Variants in FHOD3 observed in about 807,000 individuals in gnomAD.
FHOD3 encodes the protein FH1/FH2 domain-containing protein 3.
Under a neutral mutation model 173.0 loss-of-function variants are expected in FHOD3, and 90 were observed. That is an observed-to-expected ratio of 0.52 (90% CI 0.44 to 0.62). FHOD3 has a LOEUF of 0.62. Among genes scored for constraint, FHOD3 ranks in the 20% least tolerant of loss-of-function variants. The pLI, the probability that FHOD3 is intolerant of heterozygous loss-of-function variation, is 0.00. For synonymous variants in FHOD3, 828 were observed against 823.0 expected, an observed-to-expected ratio of 1.01 and a Z score of -0.10; for missense variants, 1,945 against 2,034.7, an observed-to-expected ratio of 0.96 and a Z score of 0.85.
At chr18:36,480,256 A>G (rs976021892) in intron 3 of FHOD3, among the ~76,000 whole-genome samples, 1 of 152,158 alleles carries the variant, frequency 6.6e-6, no homozygotes, top group Non-Finnish European at 1.5e-5. Context: ...TGCCTCGTCC[A>G]CTGCTTTTCA....
chr18:36,308,747 G>A (rs1297422462), intron 1 of FHOD3, among the ~76,000 whole-genome samples: 1 of 152,190 alleles, frequency 6.6e-6, no homozygotes, highest in East Asian at 1.9e-4. Flanking sequence ...GACAGGGTCT[G>A]TTACATAGTA....
chr18:36,527,260 A>T (rs1388045945), intron 5 of FHOD3, among the ~76,000 whole-genome samples: 4 of 152,200 alleles, frequency 2.6e-5, no homozygotes, highest in Non-Finnish European at 5.9e-5. Context: ...GCACATCATC[A>T]TCTGAATCAT....
intron 17 of FHOD3, among the ~76,000 whole-genome samples, chr18:36,703,531 G>A (rs981172990): frequency 5.9e-5 from 9 of 152,194 alleles, no homozygotes; most frequent in African/African-American, 2.2e-4. Context: ...AACCAAAGAG[G>A]ATGATGTAAT....
intron 3 of FHOD3, among the ~76,000 whole-genome samples, chr18:36,416,101 C>T (rs372705765): frequency 1.3e-5 from 2 of 152,232 alleles, no homozygotes; most frequent in African/African-American, 4.8e-5. Flanking sequence ...GGCATGATCT[C>T]GGCTCACTGC....
intron 3 of FHOD3, among the ~76,000 whole-genome samples, chr18:36,387,509 A>C (rs2048088957): frequency 1.3e-5 from 2 of 152,222 alleles, no homozygotes; most frequent in South Asian, 4.1e-4. Context: ...CTGACTCAAA[A>C]TAACACATCA....
intron 1 of FHOD3, among the ~76,000 whole-genome samples, chr18:36,351,328 C>T (rs77708489): frequency 0.028 from 4,294 of 152,180 alleles, 65 homozygotes; most frequent in African/African-American, 0.041. Flanking sequence ...TGACATCTGG[C>T]GTAGGAGGTA....
chr18:36,510,182 A>C (rs2055556423), intron 4 of FHOD3, among the ~76,000 whole-genome samples: 1 of 152,254 alleles, frequency 6.6e-6, no homozygotes. Flanking sequence ...GGCATTTAAA[A>C]AATGATCACA....
intron 3 of FHOD3, among the ~76,000 whole-genome samples, chr18:36,495,399 T>C (rs2054691975): frequency 6.6e-6 from 1 of 152,158 alleles, no homozygotes; most frequent in African/African-American, 2.4e-5. Flanking sequence ...TGATTGGAGC[T>C]GTACTACCCT....
chr18:36,450,590 G>A (rs920631848), intron 3 of FHOD3, among the ~76,000 whole-genome samples: 1 of 151,918 alleles, frequency 6.6e-6, no homozygotes, highest in Non-Finnish European at 1.5e-5. Context: ...CCAGGAGTTC[G>A]AGACCAGCCT....
intron 1 of FHOD3, among the ~76,000 whole-genome samples, chr18:36,322,138 G>A (rs79979682): frequency 0.03 from 4,514 of 152,212 alleles, 220 homozygotes; most frequent in African/African-American, 0.1. Context: ...GAAGGGTGGC[G>A]TCTTCTGTGA....
At chr18:36,367,659 G>A (rs1339273815) in intron 2 of FHOD3, among the ~76,000 whole-genome samples, 1 of 152,158 alleles carries the variant, frequency 6.6e-6, no homozygotes, top group Non-Finnish European at 1.5e-5. Context: ...TATGAAGGCA[G>A]ATATCAAATT....
chr18:36,514,608 A>C (rs547558554), intron 5 of FHOD3, among the ~76,000 whole-genome samples: 35 of 152,366 alleles, frequency 2.3e-4, no homozygotes, highest in Admixed American at 6.5e-4. Context: ...TAAAGTGTAC[A>C]TCATTTTAAC....
At chr18:36,562,487 G>C (rs2147687962) in intron 5 of FHOD3, among the ~76,000 whole-genome samples, 1 of 152,284 alleles carries the variant, frequency 6.6e-6, no homozygotes, top group South Asian at 2.1e-4. Context: ...TTTTGAAACC[G>C]TGTCTATCAA....
At chr18:36,510,348 T>A (rs2055565326) in intron 4 of FHOD3, among the ~76,000 whole-genome samples, 1 of 152,238 alleles carries the variant, frequency 6.6e-6, no homozygotes, top group Non-Finnish European at 1.5e-5. Context: ...TCTAGCACAT[T>A]GCCAATTTGG....
chr18:36,678,235 A>C (rs2037988182), intron 14 of FHOD3, among the ~76,000 whole-genome samples: 1 of 152,086 alleles, frequency 6.6e-6, no homozygotes, highest in African/African-American at 2.4e-5. Flanking sequence ...TGTTCTTAAT[A>C]TTTCAGCATT....
At chr18:36,340,940 C>A (rs1401443939) in intron 1 of FHOD3, among the ~76,000 whole-genome samples, 2 of 152,212 alleles carry the variant, frequency 1.3e-5, no homozygotes, top group African/African-American at 4.8e-5. Context: ...CCCGGCCAGT[C>A]TCCTTTTCTT....
intron 18 of FHOD3, 68 bp downstream of exon 18, chr18:36,709,459 A>G (rs1463220835): frequency 1.3e-6 from 2 of 1,513,744 alleles, no homozygotes; most frequent in Non-Finnish European, 1.8e-6. Context: ...CTGGTTCTCT[A>G]AGAGCTTGTC....
In FHOD3 at chr18:36,746,980, G is replaced by C. The variant is rs138836570; in HGVS notation, c.4077G>C (p.Gln1359His). 1.9e-6 allele frequency: 3 copies of C among 1,612,868 alleles called. No homozygotes were observed. The highest frequency in any genetic ancestry group is 2.5e-6 in the Non-Finnish European group (3 of 1,179,714). Residue 1359 changes from glutamine (Q) to histidine (H), a missense_variant, in exon 24 of 29, where the codon CAG becomes CAC. Coordinates refer to ENST00000590592, the MANE Select transcript of FHOD3 (RefSeq NM_001281740.3). ...DFDQLQDNLC[Q>H]MERRCKASWD... ...ATCAACTTCAGGATAATTTATGTCA[G>C]ATGGAGAGAAGATGCAAAGCTTCAT...
intron 5 of FHOD3, among the ~76,000 whole-genome samples, chr18:36,541,249 C>CA (rs770104487): frequency 0.044 from 1,678 of 38,366 alleles, 24 homozygotes; most frequent in East Asian, 0.061. Context: ...GACTCTGTCT[C>CA]AAAAAAAAAA....
Sources: allele counts gnomAD v4.1 joint callset (sites outside exome capture counted in the v4.1 genomes callset), GRCh38; gene constraint gnomAD v4.1.1; transcripts MANE v1.5; gene names NCBI Gene and HGNC (gene_info 2026-07-23, HGNC 2026-07-21).